The following TSPAN16 variants were observed in gnomAD, a reference collection of about 807,000 sequenced individuals.
The protein encoded by TSPAN16 is tetraspanin-16.
In TSPAN16, 23 loss-of-function variants were observed where a neutral mutation model predicts 25.2. That is an observed-to-expected ratio of 0.91 (90% CI 0.66 to 1.29). The LOEUF (loss-of-function observed/expected upper bound fraction) is 1.29. Ranked by LOEUF, TSPAN16 falls within the 50% of genes most tolerant of loss-of-function variation. The pLI, the probability that TSPAN16 is intolerant of heterozygous loss-of-function variation, is 0.00. For synonymous variants in TSPAN16, 123 were observed against 124.4 expected (o/e 0.99, Z 0.08); for missense variants, 272 against 299.9 (o/e 0.91, Z 0.69).
intron 1 of TSPAN16, among the ~76,000 whole-genome samples, chr19:11,297,500 AT>A (rs1394614018): frequency 6.6e-6 from 1 of 151,534 alleles, no homozygotes; most frequent in Non-Finnish European, 1.5e-5. Context: ...ATTTTATTTT[AT>A]TTTATTTTAT....
chr19:11,297,461 TG>T (rs2080490748), intron 1 of TSPAN16, among the ~76,000 whole-genome samples: 1 of 150,710 alleles, frequency 6.6e-6, no homozygotes, highest in Admixed American at 6.6e-5. Flanking sequence ...AAAAAAAAAT[TG>T]CTAATCCCTG....
chr19:11,314,557 T>A (rs2080725505), intron 6 of TSPAN16, among the ~76,000 whole-genome samples: 1 of 152,164 alleles, frequency 6.6e-6, no homozygotes, highest in South Asian at 2.1e-4. Context: ...ATATTGAATA[T>A]GTACTTGTAA....
chr19:11,296,318 G>A lies in TSPAN16; in HGVS notation c.21G>A (p.Pro7=), dbSNP rs150354998. Residue 7 remains proline, a synonymous_variant, in exon 1 of 7, where the codon CCG becomes CCA. Transcript: ENST00000590327. ...TCAGCATGGCTGAAATCCACACTCCGTATTCTTCCTTGAAGAAACTGTTAT... is the reference window on the plus strand; with the variant it reads ...TCAGCATGGCTGAAATCCACACTCCATATTCTTCCTTGAAGAAACTGTTAT... MAEIHT[P]YSSLKKLLSL... The A allele has an allele frequency of 1.4e-5, 23 of 1,614,038 alleles. No individual in the cohort carries two copies. The highest frequency in any genetic ancestry group is 1.1e-4 in the African/African-American group (8 of 74,934).
intron 6 of TSPAN16, among the ~76,000 whole-genome samples, chr19:11,312,992 A>G (rs1275660429): frequency 6.6e-6 from 1 of 152,174 alleles, no homozygotes; most frequent in Non-Finnish European, 1.5e-5. Flanking sequence ...TCAAGAAGAA[A>G]TAGAATATGT....
intron 4 of TSPAN16, among the ~76,000 whole-genome samples, chr19:11,302,654 C>T (rs1248773339): frequency 9.9e-6 from 1 of 100,724 alleles, no homozygotes; most frequent in Admixed American, 1.0e-4. Flanking sequence ...TATATATATA[C>T]ACATACATAT....
At chr19:11,320,040 G>A (rs562199872), downstream of TSPAN16, among the ~76,000 whole-genome samples, 1 of 151,174 alleles carries the variant, frequency 6.6e-6, no homozygotes, top group Non-Finnish European at 1.5e-5. Flanking sequence ...GGATGATCTC[G>A]ATCTCTTGAC....
chr19:11,320,198 C>T (rs116229588), downstream of TSPAN16, among the ~76,000 whole-genome samples: 445 of 148,082 alleles, frequency 3.0e-3, 1 homozygote, highest in African/African-American at 0.011. Flanking sequence ...CTCGGCACAC[C>T]CCAACTTCTG....
At chr19:11,326,988 A>G (rs1205882089) in exon 7 of TSPAN16, 2 of 478,812 alleles carry the variant, frequency 4.2e-6, no homozygotes, top group Non-Finnish European at 7.4e-6. Flanking sequence ...CACCTGCCAC[A>G]TCACCAAGGT....
At chr19:11,325,419 C>T (rs1265352270) in intron 6 of TSPAN16, 1 of 1,432,122 alleles carries the variant, frequency 7.0e-7, no homozygotes, top group Non-Finnish European at 9.1e-7. Flanking sequence ...AGCTGCTGGG[C>T]TGGGGGGCTG....
chr19:11,326,219 T>TA (rs57893701), intron 6 of TSPAN16, among the ~76,000 whole-genome samples: 5,835 of 141,968 alleles, frequency 0.041, 350 homozygotes, highest in African/African-American at 0.13. Flanking sequence ...GAGATTCTAT[T>TA]AAAAAAAAAA....
Position 11,312,138 on chromosome 19 carries a change from G to C in TSPAN16, c.604-1G>C. ...GCTTGTTTTGGTGTTTGTTTCCTCA[G>C]GGCTGTTTCCATAAACTCCTAAAAA... is the stretch of plus-strand genomic sequence containing the variant. On this transcript the variant is annotated splice_acceptor_variant, in intron 5 of 6. Transcript: ENST00000590327. LOFTEE classifies it high-confidence loss of function. 2 of 1,610,890 alleles carry C rather than the reference G, an allele frequency of 1.2e-6. No individual in the cohort carries two copies. Among genetic ancestry groups the C allele is most frequent in the Non-Finnish European group, 1.7e-6 (2 of 1,179,314 alleles).
Position 11,298,380 on chromosome 19 carries a change from A to C in TSPAN16, c.267+41A>C, listed in dbSNP as rs186198312. The C allele has an allele frequency of 2.2e-4, 349 of 1,588,766 alleles. 2 individuals carry two copies. Among genetic ancestry groups the C allele is most frequent in the Middle Eastern group, 1.2e-3 (6 of 4,966 alleles). On this transcript the variant is annotated intron_variant, in intron 2 of 6. Transcript: ENST00000590327. ...ACACAGACCCCAGAACTGCCTCCCC[A>C]CACACACAAATCTTTTATTGTGCGT...
At chr19:11,322,485 A>G (rs910157748) in intron 6 of TSPAN16, 4 of 152,268 alleles carry the variant, frequency 2.6e-5, no homozygotes, top group African/African-American at 9.6e-5. Context: ...GGTGGTCCTG[A>G]CCAATCCCCT....
downstream of TSPAN16, chr19:11,316,031 G>A: frequency 9.7e-7 from 1 of 1,032,238 alleles, no homozygotes; most frequent in Non-Finnish European, 1.2e-6. Context: ...CAAAATGCCT[G>A]AATGAGAGAC....
At chr19:11,323,758 T>C (rs2080794926) in intron 6 of TSPAN16, 2 of 152,286 alleles carry the variant, frequency 1.3e-5, no homozygotes, top group Admixed American at 1.3e-4. Context: ...GAAGTCATTT[T>C]GGCTTCAGGG....
At chr19:11,317,520 G>A (rs2080755422), downstream of TSPAN16, among the ~76,000 whole-genome samples, 1 of 151,720 alleles carries the variant, frequency 6.6e-6, no homozygotes. Context: ...TTGAGACGGA[G>A]TTTCGCTCTT....
chr19:11,324,587 C>T (rs144388694), intron 6 of TSPAN16: 6 of 152,734 alleles, frequency 3.9e-5, no homozygotes, highest in East Asian at 1.9e-4. Context: ...AGCCCAGAGC[C>T]GGAGTGCTAG....
intron 3 of TSPAN16, among the ~76,000 whole-genome samples, chr19:11,300,336 T>A (rs2080530692): frequency 6.6e-6 from 1 of 151,928 alleles, no homozygotes; most frequent in Non-Finnish European, 1.5e-5. Context: ...TGCACCTAGG[T>A]TATTCCACTC....
chr19:11,326,869 C>G (rs940503363), exon 7 of TSPAN16: 2 of 623,872 alleles, frequency 3.2e-6, no homozygotes, highest in Non-Finnish European at 2.9e-6. Flanking sequence ...CTAGGCCTCC[C>G]AAAGTGCTGG....
Sources: gnomAD v4.1 joint callset for allele counts (sites outside exome capture counted in the v4.1 genomes callset) on GRCh38, gnomAD v4.1.1 for gene constraint, MANE v1.5 for transcripts, NCBI Gene and HGNC (gene_info 2026-07-23, HGNC 2026-07-21) for gene names.